The following HSPD1 variants were observed in gnomAD, a reference collection of about 807,000 sequenced individuals.
HSPD1 encodes 60 kDa heat shock protein, mitochondrial.
In HSPD1, 3 loss-of-function variants were observed where a neutral mutation model predicts 53.0. The observed-to-expected ratio is 0.06, with a 90% CI of 0.03 to 0.15. HSPD1 has a LOEUF of 0.15. HSPD1 is among the 10% of genes least tolerant of loss of function. The pLI is 1.00. For synonymous variants in HSPD1, 200 were observed against 228.0 expected (o/e 0.88, Z 1.10); for missense variants, 431 against 694.1 (o/e 0.62, Z 4.26).
rs1474806528 is a variant in HSPD1 at position 197,488,401 on chromosome 2, T to C, written c.1306A>G (p.Ile436Val). Residue 436 changes from isoleucine to valine, a missense_variant, in exon 10 of 12, where the codon ATT becomes GTT. Around this residue, in one of 2 missense-constraint regions of HSPD1, gnomAD observed 386 missense variants for 657.6 expected, o/e 0.59. Transcript: ENST00000388968. Reference sequence around the variant, plus strand: ...AGGGCACAACCCCCTCCCAAAACAATGCCTTCTTCAACAGCAGCTCTTGTA... The same window carrying C: ...AGGGCACAACCCCCTCCCAAAACAACGCCTTCTTCAACAGCAGCTCTTGTA... ...NATRAAVEEG[I>V]VLGGGCALLR... 2 of 1,613,716 alleles carry C rather than the reference T, an allele frequency of 1.2e-6. No homozygotes were observed. The highest frequency in any genetic ancestry group is 1.3e-5 in the African/African-American group (1 of 74,920).
intron 2 of HSPD1, 24 bp downstream of exon 2, chr2:197,498,651 A>AC: frequency 1.3e-6 from 2 of 1,598,092 alleles, no homozygotes; most frequent in Non-Finnish European, 1.7e-6. Flanking sequence ...TACCGTAATT[A>AC]CAATAAAATA....
Position 197,488,359 on chromosome 2 carries a change from C to G in HSPD1, c.1348G>C (p.Ala450Pro), listed in dbSNP as rs531108523. 2 of 1,613,954 alleles carry G rather than the reference C, an allele frequency of 1.2e-6. No homozygotes were observed. Among genetic ancestry groups the G allele is most frequent in the South Asian group, 2.2e-5 (2 of 91,084 alleles). ...GGCALLRCIP[A>P]LDSLTPANED... is the part of the protein sequence containing the mutation. ...TTAGCTGGAGTCAATGAGTCCAAGG[C>G]TGGAATGCATCGAAGGAGGGCACAA... The change falls in exon 10 of 12, where the codon GCC becomes CCC. Residue 450 changes from alanine to proline, a missense_variant. Coordinates refer to ENST00000388968, the MANE Select transcript of HSPD1 (RefSeq NM_002156.5).
chr2:197,495,028 C>T, intron 4 of HSPD1: 1 of 596,318 alleles, frequency 1.7e-6, no homozygotes, highest in Non-Finnish European at 3.0e-6. Context: ...AACTTATGCA[C>T]CTTTGACAAT....
At chr2:197,492,794 G>A (rs1324177928) in intron 7 of HSPD1, among the ~76,000 whole-genome samples, 2 of 151,480 alleles carry the variant, frequency 1.3e-5, no homozygotes, top group African/African-American at 2.4e-5. Context: ...GGCGGATCAC[G>A]AGGTCAGGAG....
At chr2:197,487,301 C>CT in intron 11 of HSPD1, 103 bp from the exon 12 acceptor site, 6 of 1,006,582 alleles carry the variant, frequency 6.0e-6, no homozygotes, top group Non-Finnish European at 7.7e-6. Flanking sequence ...TAATCCAGCA[C>CT]TTTGGGAGGC....
At chr2:197,498,972 C>T in intron 1 of HSPD1, 122 bp from the exon 2 acceptor site, 1 of 880,764 alleles carries the variant, frequency 1.1e-6, no homozygotes, top group South Asian at 1.4e-5. Context: ...CCTCCGCCAG[C>T]CACTACGCCT....
upstream of HSPD1, chr2:197,499,974 G>GCGCGGGTA: frequency 6.2e-6 from 1 of 160,994 alleles, no homozygotes; most frequent in Non-Finnish European, 1.4e-5. Context: ...TGCACACCCT[G>GCGCGGGTA]CGCGCGAGCC....
chr2:197,495,456 C>G, intron 3 of HSPD1, 80 bp from the exon 4 acceptor site: 1 of 997,468 alleles, frequency 1.0e-6, no homozygotes, highest in Non-Finnish European at 1.6e-6. Flanking sequence ...AGATTTGTGA[C>G]AAATATTTTA....
intron 2 of HSPD1, among the ~76,000 whole-genome samples, chr2:197,498,273 C>A (rs1176640016): frequency 3.3e-5 from 5 of 150,968 alleles, no homozygotes; most frequent in Non-Finnish European, 5.9e-5. Flanking sequence ...TACAATAAAC[C>A]AAAAAAAAAT....
At chr2:197,492,581 AAAAACAAAAC>A (rs1356257071) in intron 7 of HSPD1, among the ~76,000 whole-genome samples, 5 of 152,076 alleles carry the variant, frequency 3.3e-5, no homozygotes, top group Admixed American at 2.6e-4. Flanking sequence ...AAAACCTTAA[AAAAACAAAAC>A]AAAACAAAAC....
intron 11 of HSPD1, 147 bp downstream of exon 11, chr2:197,487,711 T>A: frequency 1.4e-6 from 1 of 689,998 alleles, no homozygotes; most frequent in Non-Finnish European, 2.6e-6. Context: ...GAAATGTACA[T>A]GAGAATTGTT....
upstream of HSPD1, chr2:197,500,211 T>C (rs560829300): frequency 1.2e-5 from 7 of 608,590 alleles, no homozygotes; most frequent in African/African-American, 7.5e-5. Flanking sequence ...TTCTTCCGCC[T>C]CCGAGTCTTC....
intron 4 of HSPD1, 63 bp from the exon 5 acceptor site, chr2:197,494,815 T>C: frequency 9.2e-7 from 1 of 1,083,074 alleles, no homozygotes; most frequent in South Asian, 1.2e-5. Context: ...GTCAGTTCCC[T>C]TACCTTTTCC....
At chr2:197,487,251 T>A in intron 11 of HSPD1, 53 bp from the exon 12 acceptor site, 1 of 1,527,820 alleles carries the variant, frequency 6.5e-7, no homozygotes, top group Non-Finnish European at 9.0e-7. Context: ...TGAGCAAGAC[T>A]TATTGAAAAT....
At chr2:197,490,319 A>C in intron 7 of HSPD1, 23 bp from the exon 8 acceptor site, 1 of 1,556,962 alleles carries the variant, frequency 6.4e-7, no homozygotes, top group Non-Finnish European at 8.9e-7. Flanking sequence ...GTTGATAGTA[A>C]GATTTAAATG....
At chr2:197,488,093 T>C in intron 10 of HSPD1, 57 bp from the exon 11 acceptor site, 1 of 1,273,992 alleles carries the variant, frequency 7.8e-7, no homozygotes, top group East Asian at 2.5e-5. Flanking sequence ...TTGTAACACA[T>C]TTATAAGTTG....
chr2:197,491,564 T>A (rs1004438595), intron 7 of HSPD1, among the ~76,000 whole-genome samples: 10 of 152,172 alleles, frequency 6.6e-5, no homozygotes, highest in African/African-American at 2.4e-4. Flanking sequence ...ACGTGTAATG[T>A]CTAAAACGTA....
intron 7 of HSPD1, chr2:197,490,640 C>A: frequency 6.7e-6 from 2 of 300,286 alleles, no homozygotes; most frequent in Non-Finnish European, 1.3e-5. Context: ...ACCAGCCTGG[C>A]CAAGATGGTG....
intron 7 of HSPD1, among the ~76,000 whole-genome samples, chr2:197,492,120 G>A (rs141384468): frequency 5.9e-5 from 9 of 152,308 alleles, no homozygotes; most frequent in South Asian, 2.1e-4. Flanking sequence ...TCGTGCCGCC[G>A]CAGGCCAGCC....
Sources: gnomAD v4.1 joint callset for allele counts (sites outside exome capture counted in the v4.1 genomes callset) on GRCh38, gnomAD v4.1.1 for gene constraint, gnomAD v4.1.1 regional missense constraint, MANE v1.5 for transcripts, NCBI Gene and HGNC (gene_info 2026-07-23, HGNC 2026-07-21) for gene names.